Variants in AKAP13 observed in about 807,000 individuals in gnomAD.
The protein encoded by AKAP13 is A-kinase anchor protein 13.
Under a neutral mutation model 264.5 loss-of-function variants are expected in AKAP13, and 80 were observed. That is an observed-to-expected ratio of 0.30 (90% CI 0.25 to 0.36). The LOEUF (loss-of-function observed/expected upper bound fraction) is 0.36, where lower values mean the gene tolerates loss of function less well. AKAP13 is among the 10% of genes least tolerant of loss of function. The pLI is 1.00. For synonymous variants in AKAP13, 1,380 were observed against 1,250.2 expected (o/e 1.10, Z -2.19); for missense variants, 3,712 against 3,435.2 (o/e 1.08, Z -2.01).
At chr15:85,510,493 A>G (rs1463053645) in intron 2 of AKAP13, among the ~76,000 whole-genome samples, 1 of 152,224 alleles carries the variant, frequency 6.6e-6, no homozygotes, top group Non-Finnish European at 1.5e-5. Flanking sequence ...ATATTTTCAG[A>G]TATTTTAAGA....
intron 3 of AKAP13, among the ~76,000 whole-genome samples, chr15:85,532,242 T>TG (rs1314931189): frequency 2.6e-5 from 4 of 152,280 alleles, no homozygotes; most frequent in Non-Finnish European, 5.9e-5. Context: ...AGGAGGCCCT[T>TG]GGGAAAAAAG....
chr15:85,578,035 C>T (rs774057919), intron 6 of AKAP13, among the ~76,000 whole-genome samples: 2 of 152,172 alleles, frequency 1.3e-5, no homozygotes, highest in African/African-American at 2.4e-5. Flanking sequence ...ATAATCCCAG[C>T]ACTTTGGGAG....
At chr15:85,695,985 G>A (rs1483999832) in intron 17 of AKAP13, among the ~76,000 whole-genome samples, 1 of 152,134 alleles carries the variant, frequency 6.6e-6, no homozygotes. Context: ...TAATCACCAA[G>A]CATTTTATAG....
chr15:85,448,082 T>C (rs1396499655), intron 1 of AKAP13, among the ~76,000 whole-genome samples: 1 of 152,222 alleles, frequency 6.6e-6, no homozygotes, highest in Non-Finnish European at 1.5e-5. Flanking sequence ...TGTGAGTTGA[T>C]GTCTTATTGT....
intron 17 of AKAP13, among the ~76,000 whole-genome samples, chr15:85,707,253 GAC>G: frequency 6.6e-6 from 1 of 152,330 alleles, no homozygotes; most frequent in East Asian, 1.9e-4. Flanking sequence ...AGCCTTCTGA[GAC>G]ACAGAGGCTT....
At chr15:85,543,645 G>A (rs1409764816) in intron 4 of AKAP13, 127 bp from the exon 5 acceptor site, 3 of 1,093,918 alleles carry the variant, frequency 2.7e-6, no homozygotes, top group Non-Finnish European at 3.9e-6. Flanking sequence ...CACACTGTAT[G>A]TTGTAGCTTA....
chr15:85,725,151 T>G (rs567969705), intron 26 of AKAP13, among the ~76,000 whole-genome samples: 21 of 152,302 alleles, frequency 1.4e-4, no homozygotes, highest in African/African-American at 4.8e-4. Flanking sequence ...TGCAATAAAG[T>G]TGTGGTCAAG....
intron 29 of AKAP13, among the ~76,000 whole-genome samples, chr15:85,729,974 A>C (rs1287219438): frequency 6.6e-6 from 1 of 152,140 alleles, no homozygotes; most frequent in Non-Finnish European, 1.5e-5. Context: ...ACAAAAAAAA[A>C]AGAAGACAGC....
At chr15:85,519,882 G>A (rs2076751347) in intron 2 of AKAP13, among the ~76,000 whole-genome samples, 1 of 152,178 alleles carries the variant, frequency 6.6e-6, no homozygotes, top group Non-Finnish European at 1.5e-5. Context: ...AGGGTGGTAT[G>A]TTTCTCTTGT....
At chr15:85,544,713 A>G (rs1207431613) in intron 5 of AKAP13, among the ~76,000 whole-genome samples, 1 of 152,248 alleles carries the variant, frequency 6.6e-6, no homozygotes, top group African/African-American at 2.4e-5. Context: ...TTTCAAGAAT[A>G]GTTTCTGTTG....
At chr15:85,446,120 G>A (rs1047498383) in intron 1 of AKAP13, among the ~76,000 whole-genome samples, 5 of 152,186 alleles carry the variant, frequency 3.3e-5, no homozygotes, top group Non-Finnish European at 5.9e-5. Context: ...TTTGGGACTA[G>A]GGAGTTTGGC....
intron 3 of AKAP13, among the ~76,000 whole-genome samples, chr15:85,531,690 GCA>G (rs933495039): frequency 2.0e-5 from 3 of 152,160 alleles, no homozygotes; most frequent in Non-Finnish European, 2.9e-5. Flanking sequence ...GCTCGCACTT[GCA>G]CACACACACC....
At chr15:85,651,356 C>G (rs1281473878) in intron 10 of AKAP13, among the ~76,000 whole-genome samples, 1 of 152,134 alleles carries the variant, frequency 6.6e-6, no homozygotes, top group Non-Finnish European at 1.5e-5. Context: ...CTTCTGTCCA[C>G]CCAGTTTGCC....
intron 8 of AKAP13, among the ~76,000 whole-genome samples, chr15:85,609,775 A>G (rs2080518978): frequency 6.6e-6 from 1 of 152,198 alleles, no homozygotes; most frequent in Non-Finnish European, 1.5e-5. Flanking sequence ...CATACCTGGC[A>G]TTCATTAACA....
chr15:85,454,233 T>G (rs1428627263), intron 1 of AKAP13, among the ~76,000 whole-genome samples: 2 of 152,166 alleles, frequency 1.3e-5, no homozygotes, highest in Admixed American at 1.3e-4. Flanking sequence ...AAAGCCCAAG[T>G]ATCTAAGGCT....
chr15:85,706,676 C>T (rs748033781), intron 17 of AKAP13, among the ~76,000 whole-genome samples: 3 of 152,142 alleles, frequency 2.0e-5, no homozygotes, highest in African/African-American at 2.4e-5. Context: ...ATAGTAGGGC[C>T]GAGAGAGGAG....
In AKAP13 at chr15:85,675,204, G is replaced by T. The variant is rs570970392; in HGVS notation, c.5101+5374G>T. Among the ~76,000 whole-genome samples, 180 of 152,256 alleles carry T rather than the reference G, an allele frequency of 1.2e-3. 2 individuals are homozygous for T. The highest frequency in any genetic ancestry group is 6.8e-3 in the Middle Eastern group (2 of 294). On this transcript the variant is annotated intron_variant, in intron 14 of 36. Coordinates refer to ENST00000394518, the MANE Select transcript of AKAP13 (RefSeq NM_007200.5). ...TGTTCTTAGATTCTGAGTAATAGGG[G>T]CAGCTTATTTTCATTTTCTAAATCT... is the stretch of plus-strand genomic sequence containing the variant.
intron 8 of AKAP13, among the ~76,000 whole-genome samples, chr15:85,586,349 G>A (rs534628658): frequency 2.0e-5 from 3 of 152,058 alleles, no homozygotes; most frequent in South Asian, 4.2e-4. Context: ...TGAAATTACA[G>A]GCATGCGCCA....
intron 12 of AKAP13, 63 bp from the exon 13 acceptor site, chr15:85,664,500 G>A: frequency 2.7e-6 from 4 of 1,492,160 alleles, no homozygotes; most frequent in Non-Finnish European, 3.6e-6. Flanking sequence ...AAGGGATTTT[G>A]TGTCCTCCTT....
Sources: allele counts gnomAD v4.1 joint callset (sites outside exome capture counted in the v4.1 genomes callset), GRCh38; gene constraint gnomAD v4.1.1; transcripts MANE v1.5; gene names NCBI Gene and HGNC (gene_info 2026-07-23, HGNC 2026-07-21).